The following NTNG1 variants were observed in gnomAD, a reference collection of about 807,000 sequenced individuals.
NTNG1 encodes the protein netrin G1.
NTNG1 carries 16 observed loss-of-function variants against 54.0 expected under a neutral mutation model. That is an observed-to-expected ratio of 0.30 (90% confidence interval 0.20 to 0.45). The LOEUF (loss-of-function observed/expected upper bound fraction) is 0.45. NTNG1 is among the 20% of genes least tolerant of loss of function. The pLI is 1.00. For synonymous variants in NTNG1, 255 were observed against 263.1 expected (o/e 0.97, Z 0.30); for missense variants, 530 against 678.7 (o/e 0.78, Z 2.43).
At chr1:107,365,449 A>T (rs1670536896) in intron 3 of NTNG1, among the ~76,000 whole-genome samples, 1 of 152,154 alleles carries the variant, frequency 6.6e-6, no homozygotes. Context: ...TTCCAGCCCC[A>T]TTTTTAAGAA....
intron 3 of NTNG1, among the ~76,000 whole-genome samples, chr1:107,375,184 C>T (rs1274581747): frequency 6.6e-6 from 1 of 152,126 alleles, no homozygotes; most frequent in Admixed American, 6.5e-5. Flanking sequence ...CAATTCTTTT[C>T]TCTCCAGTAC....
At chr1:107,448,925 G>T (rs903071699) in intron 7 of NTNG1, among the ~76,000 whole-genome samples, 3 of 151,928 alleles carry the variant, frequency 2.0e-5, no homozygotes, top group African/African-American at 7.2e-5. Flanking sequence ...TATTGCATTT[G>T]GTTATGAATA....
intron 5 of NTNG1, among the ~76,000 whole-genome samples, chr1:107,426,204 G>A (rs1392076548): frequency 6.6e-6 from 1 of 151,888 alleles, no homozygotes; most frequent in Non-Finnish European, 1.5e-5. Context: ...TTTTGTTTTT[G>A]TTGTATTTGT....
intron 3 of NTNG1, among the ~76,000 whole-genome samples, chr1:107,386,955 C>T (rs561637460): frequency 2.6e-5 from 4 of 152,288 alleles, no homozygotes; most frequent in South Asian, 2.1e-4. Context: ...TAGTGTGAAT[C>T]GGCGTCTCAT....
intron 2 of NTNG1, among the ~76,000 whole-genome samples, chr1:107,175,400 G>T (rs1256731065): frequency 2.0e-5 from 3 of 152,088 alleles, no homozygotes; most frequent in African/African-American, 7.2e-5. Flanking sequence ...AGGATAAATT[G>T]TTTGTTTCCC....
At chr1:107,435,409 C>T (rs1027904729) in intron 6 of NTNG1, among the ~76,000 whole-genome samples, 4 of 152,042 alleles carry the variant, frequency 2.6e-5, no homozygotes, top group African/African-American at 9.7e-5. Flanking sequence ...TTTATTTTTA[C>T]CTACATATAT....
At chr1:107,216,311 G>A (rs1659954464) in intron 2 of NTNG1, among the ~76,000 whole-genome samples, 5 of 152,118 alleles carry the variant, frequency 3.3e-5, no homozygotes, top group Admixed American at 3.3e-4. Flanking sequence ...ATTACCTTAA[G>A]GTATGTCCCT....
chr1:107,405,660 T>C (rs1557972118), intron 4 of NTNG1, among the ~76,000 whole-genome samples: 1 of 152,152 alleles, frequency 6.6e-6, no homozygotes, highest in Non-Finnish European at 1.5e-5. Flanking sequence ...CCTTGCATAA[T>C]GCCTGGCCTT....
Position 107,148,448 on chromosome 1 carries a change from C to T in NTNG1, c.-146C>T, listed in dbSNP as rs1186468494. ...TTGGTTTTGGGATCTGCTTTGAGGTCCCATCTTCATTTAAAAAAAAATACA... is the reference window on the plus strand; with the variant it reads ...TTGGTTTTGGGATCTGCTTTGAGGTTCCATCTTCATTTAAAAAAAAATACA... On this transcript the variant is annotated 5_prime_UTR_variant, in exon 2 of 8. Transcript: ENST00000370068. 1.4e-6 allele frequency: 1 copy of T among 706,512 alleles called. No individual in the cohort carries two copies. Among genetic ancestry groups the T allele is most frequent in the Non-Finnish European group, 2.4e-6 (1 of 420,616 alleles). The allele number at this position is 706,512 out of a possible 1,614,324, so 43.8% of individuals were successfully genotyped here. A position where few individuals can be genotyped will look rare whatever the true frequency, so the allele number is the denominator to read the frequency against.
intron 7 of NTNG1, among the ~76,000 whole-genome samples, chr1:107,441,191 T>C (rs1030257998): frequency 4.6e-5 from 7 of 151,994 alleles, no homozygotes; most frequent in Non-Finnish European, 8.8e-5. Flanking sequence ...AACTAAATAG[T>C]TGTTATCAGC....
At chr1:107,332,131 C>A (rs1042955027) in intron 3 of NTNG1, among the ~76,000 whole-genome samples, 2 of 152,030 alleles carry the variant, frequency 1.3e-5, no homozygotes, top group Middle Eastern at 3.2e-3. Flanking sequence ...ATTAGAAAAT[C>A]TTGAATTATA....
intron 3 of NTNG1, among the ~76,000 whole-genome samples, chr1:107,363,435 A>G (rs185999252): frequency 5.9e-5 from 9 of 152,302 alleles, no homozygotes; most frequent in Admixed American, 2.6e-4. Flanking sequence ...AGGAAACATG[A>G]TTTAATCTGC....
At chr1:107,319,701 T>C (rs550719134) in intron 2 of NTNG1, among the ~76,000 whole-genome samples, 1 of 152,240 alleles carries the variant, frequency 6.6e-6, no homozygotes, top group East Asian at 1.9e-4. Context: ...CTTGTGTACA[T>C]GTCTGCTTGG....
chr1:107,439,431 C>G (rs651566), intron 7 of NTNG1, among the ~76,000 whole-genome samples: 1 of 152,108 alleles, frequency 6.6e-6, no homozygotes, highest in Admixed American at 6.6e-5. Flanking sequence ...GAATCATCAT[C>G]TGGAGAAGAT....
At chr1:107,254,934 G>C (rs1662835438) in intron 2 of NTNG1, among the ~76,000 whole-genome samples, 1 of 152,136 alleles carries the variant, frequency 6.6e-6, no homozygotes, top group Non-Finnish European at 1.5e-5. Context: ...AGAAGAGAAA[G>C]ACTAAAGAAT....
chr1:107,398,121 A>AT lies in NTNG1; in HGVS notation c.1060+2796dup, dbSNP rs1379450589. ...AAATCAACTTTTCAGGGACCTAGAA[A>AT]TGCCACTCATCCTGGATAATCTCTA... On this transcript the variant is annotated intron_variant, in intron 4 of 7. Coordinates refer to ENST00000370068, the MANE Select transcript of NTNG1 (RefSeq NM_001113226.3). Among the ~76,000 whole-genome samples, 6 of 152,284 alleles carry AT rather than the reference A, an allele frequency of 3.9e-5. No homozygotes were observed. The East Asian group carries it at 1.2e-3, about 29-fold the overall frequency.
At chr1:107,470,224 G>C (rs983357187) in intron 7 of NTNG1, among the ~76,000 whole-genome samples, 1 of 152,066 alleles carries the variant, frequency 6.6e-6, no homozygotes, top group Non-Finnish European at 1.5e-5. Context: ...ACTGAAATTT[G>C]ATAAAATGTG....
At chr1:107,316,153 C>T (rs190967469) in intron 2 of NTNG1, among the ~76,000 whole-genome samples, 4 of 152,154 alleles carry the variant, frequency 2.6e-5, no homozygotes, top group African/African-American at 7.2e-5. Context: ...TAACATTGCC[C>T]TTATGCCCTA....
chr1:107,247,626 A>G (rs1171260305), intron 2 of NTNG1, among the ~76,000 whole-genome samples: 2 of 152,190 alleles, frequency 1.3e-5, no homozygotes, highest in Non-Finnish European at 2.9e-5. Context: ...TCCCCTCCAG[A>G]TAACATGATC....
Sources: gnomAD v4.1 joint callset for allele counts (sites outside exome capture counted in the v4.1 genomes callset) on GRCh38, gnomAD v4.1.1 for gene constraint, MANE v1.5 for transcripts, NCBI Gene and HGNC (gene_info 2026-07-23, HGNC 2026-07-21) for gene names.